The following PLPPR1 variants were observed in gnomAD, a reference collection of about 807,000 sequenced individuals.
The protein encoded by PLPPR1 is phospholipid phosphatase-related protein type 1.
PLPPR1 carries 10 observed loss-of-function variants against 33.1 expected under a neutral mutation model. The observed-to-expected ratio is 0.30, with a 90% confidence interval of 0.19 to 0.51. The LOEUF is 0.51. Ranked by LOEUF, PLPPR1 falls within the 20% of genes least tolerant of loss-of-function variation. The pLI, the probability that PLPPR1 is intolerant of heterozygous loss-of-function variation, is 0.97. For synonymous variants in PLPPR1, 151 were observed against 151.0 expected (o/e 1.00, Z 0.00); for missense variants, 304 against 408.1 (o/e 0.74, Z 2.20).
At chr9:101,152,271 T>C (rs1305350166) in intron 1 of PLPPR1, among the ~76,000 whole-genome samples, 1 of 152,246 alleles carries the variant, frequency 6.6e-6, no homozygotes, top group Non-Finnish European at 1.5e-5. Context: ...TAAATGTGTT[T>C]AAGTTCTCTG....
intron 1 of PLPPR1, among the ~76,000 whole-genome samples, chr9:101,043,407 G>GTA (rs1277539665): frequency 4.0e-5 from 6 of 150,148 alleles, no homozygotes; most frequent in South Asian, 2.1e-4. Flanking sequence ...ATATACATAT[G>GTA]TATGTGTGTA....
At chr9:101,153,253 G>A (rs528983667) in intron 1 of PLPPR1, among the ~76,000 whole-genome samples, 1 of 152,314 alleles carries the variant, frequency 6.6e-6, no homozygotes, top group East Asian at 1.9e-4. Flanking sequence ...TTTGTATCCT[G>A]AGACTGCTGA....
At chr9:101,181,509 C>T (rs376432310) in intron 1 of PLPPR1, among the ~76,000 whole-genome samples, 70 of 150,944 alleles carry the variant, frequency 4.6e-4, no homozygotes, top group South Asian at 3.5e-3. Flanking sequence ...AATATTTATG[C>T]GTTCTCATGT....
At chr9:101,059,716 T>C (rs2118463151) in intron 1 of PLPPR1, among the ~76,000 whole-genome samples, 1 of 152,176 alleles carries the variant, frequency 6.6e-6, no homozygotes, top group East Asian at 1.9e-4. Flanking sequence ...TATGACAAAA[T>C]GCTGAATATC....
intron 1 of PLPPR1, among the ~76,000 whole-genome samples, chr9:101,041,519 TG>T (rs1185972217): frequency 6.6e-6 from 1 of 152,200 alleles, no homozygotes; most frequent in Non-Finnish European, 1.5e-5. Context: ...CAAATTTCTA[TG>T]GGAAATCTAG....
chr9:101,116,124 ACTGT>A (rs1477899233), intron 1 of PLPPR1, among the ~76,000 whole-genome samples: 27 of 152,220 alleles, frequency 1.8e-4, no homozygotes, highest in Non-Finnish European at 1.5e-5. Context: ...TAGAGTACTG[ACTGT>A]CTGAGAGGCA....
At position 101,123,617 on chromosome 9, in the gene PLPPR1, G is replaced by A. The variant is rs149414531; in HGVS notation, c.-45-61833G>A. ...TTATTGGTAATCCAACAAAGAAATA[G>A]GTGGTGAGAATGTGGAGGTCAAAGG... On this transcript the variant is annotated intron_variant, in intron 1 of 7. Coordinates refer to ENST00000374874, the MANE Select transcript of PLPPR1 (RefSeq NM_207299.2). 1.3e-4 allele frequency among the ~76,000 whole-genome samples: 20 copies of A among 152,320 alleles called. No homozygotes were observed. The East Asian group carries it at 1.7e-3, about 13-fold the overall frequency.
intron 3 of PLPPR1, among the ~76,000 whole-genome samples, chr9:101,280,612 G>A (rs1828279616): frequency 6.6e-6 from 1 of 152,042 alleles, no homozygotes; most frequent in Non-Finnish European, 1.5e-5. Context: ...AGGGATGCAA[G>A]GATGGTTCAA....
chr9:101,046,518 C>A (rs1366395459), intron 1 of PLPPR1, among the ~76,000 whole-genome samples: 1 of 148,864 alleles, frequency 6.7e-6, no homozygotes, highest in African/African-American at 2.5e-5. Flanking sequence ...CAGCTCACTG[C>A]AAGCTCTGCC....
chr9:101,119,341 A>G (rs1831149793), intron 1 of PLPPR1, among the ~76,000 whole-genome samples: 1 of 152,190 alleles, frequency 6.6e-6, no homozygotes, highest in Admixed American at 6.5e-5. Flanking sequence ...AGATGCTTCA[A>G]GAGTAAGCCA....
intron 1 of PLPPR1, among the ~76,000 whole-genome samples, chr9:101,100,771 C>G (rs933407279): frequency 6.6e-6 from 1 of 151,076 alleles, no homozygotes; most frequent in African/African-American, 2.4e-5. Context: ...AGTTATAATA[C>G]ACAGGTATTT....
intron 2 of PLPPR1, among the ~76,000 whole-genome samples, chr9:101,210,252 CCTG>C (rs1418704633): frequency 6.6e-6 from 1 of 152,114 alleles, no homozygotes; most frequent in Non-Finnish European, 1.5e-5. Flanking sequence ...TAATGTAGCC[CCTG>C]CTATTTCTTT....
intron 1 of PLPPR1, among the ~76,000 whole-genome samples, chr9:101,084,971 G>A (rs35733350): frequency 0.21 from 31,195 of 152,064 alleles, 3,374 homozygotes; most frequent in East Asian, 0.35. Flanking sequence ...GATGGGTTAG[G>A]CCTGGTCATT....
chr9:101,289,850 T>G (rs1828462048), intron 4 of PLPPR1, among the ~76,000 whole-genome samples: 1 of 152,228 alleles, frequency 6.6e-6, no homozygotes, highest in South Asian at 2.1e-4. Context: ...AAGATAAACT[T>G]TGTTAAATCA....
At chr9:101,096,396 T>A (rs1383451635) in intron 1 of PLPPR1, among the ~76,000 whole-genome samples, 1 of 152,144 alleles carries the variant, frequency 6.6e-6, no homozygotes, top group Admixed American at 6.6e-5. Flanking sequence ...TGAGTGCACA[T>A]ATAATGCAAT....
intron 1 of PLPPR1, among the ~76,000 whole-genome samples, chr9:101,175,169 C>T (rs1340484410): frequency 2.0e-5 from 3 of 152,002 alleles, no homozygotes; most frequent in African/African-American, 7.2e-5. Flanking sequence ...AGGGGAACAC[C>T]AACACTATTT....
chr9:101,188,115 T>G (rs1826234758), intron 2 of PLPPR1: 1 of 152,096 alleles, frequency 6.6e-6, no homozygotes, highest in African/African-American at 2.4e-5. Context: ...TTGTTGCAAT[T>G]TATCCTATTG....
In PLPPR1 at chr9:101,289,245, T is replaced by C. The variant is rs142964926; in HGVS notation, c.385+3009T>C. Among the ~76,000 whole-genome samples the C allele has an allele frequency of 5.4e-3, 829 of 152,330 alleles. 9 individuals are homozygous for C. The highest frequency in any genetic ancestry group is 6.4e-3 in the Non-Finnish European group (438 of 68,044). On this transcript the variant is annotated intron_variant, in intron 4 of 7. Coordinates refer to ENST00000374874, the MANE Select transcript of PLPPR1 (RefSeq NM_207299.2). ...AGAATGCTGTTTAGACATTACCTGTTTACCAATCCCATCAACTAGTTGCCT... is the reference window on the plus strand; with the variant it reads ...AGAATGCTGTTTAGACATTACCTGTCTACCAATCCCATCAACTAGTTGCCT...
chr9:101,277,020 A>C (rs1329301316), intron 3 of PLPPR1, among the ~76,000 whole-genome samples: 1 of 152,216 alleles, frequency 6.6e-6, no homozygotes, highest in African/African-American at 2.4e-5. Flanking sequence ...TATCAATGTG[A>C]CAGCACTCAT....
Sources: allele counts gnomAD v4.1 joint callset (sites outside exome capture counted in the v4.1 genomes callset), GRCh38; gene constraint gnomAD v4.1.1; transcripts MANE v1.5; gene names NCBI Gene and HGNC (gene_info 2026-07-23, HGNC 2026-07-21).